SGCZ: variants seen among roughly 807,000 people sequenced by gnomAD.
SGCZ encodes sarcoglycan zeta.
In SGCZ, 40 loss-of-function variants were observed where a neutral mutation model predicts 41.3. That is an observed-to-expected ratio of 0.97 (90% CI 0.75 to 1.26). The LOEUF is 1.26. Ranked by LOEUF, SGCZ falls within the 50% of genes most tolerant of loss-of-function variation. The pLI is 0.00. For missense variants in SGCZ, 552 were observed against 369.8 expected, an observed-to-expected ratio of 1.49 and a Z score of -4.04; for synonymous variants, 206 against 137.5, an observed-to-expected ratio of 1.50 and a Z score of -3.49.
At position 14,421,172 on chromosome 8, in the gene SGCZ, A is replaced by G. The variant is rs988933360; in HGVS notation, c.235-96968T>C. The stretch of plus-strand genomic sequence containing the variant: ...AATGCCTTCGTATGACCAGTCTAAC[A>G]TTCTTGTACATGGAATTGTATCATA... On this transcript the variant is annotated intron_variant, in intron 2 of 7. Transcript: ENST00000382080. Among the ~76,000 whole-genome samples the G allele has an allele frequency of 8.5e-5, 13 of 152,230 alleles. 1 individual carries two copies. The highest frequency in any genetic ancestry group is 3.1e-4 in the African/African-American group (13 of 41,556).
intron 1 of SGCZ, among the ~76,000 whole-genome samples, chr8:15,228,852 C>T (rs1801855406): frequency 6.6e-6 from 1 of 152,164 alleles, no homozygotes; most frequent in Non-Finnish European, 1.5e-5. Context: ...AAACTGGATA[C>T]TCACAGCACA....
At chr8:14,536,606 G>T (rs764797405) in intron 2 of SGCZ, among the ~76,000 whole-genome samples, 5 of 151,720 alleles carry the variant, frequency 3.3e-5, no homozygotes, top group Non-Finnish European at 1.5e-5. Flanking sequence ...TCTCCAAAAA[G>T]GTTTTGACTG....
chr8:15,076,622 C>T (rs1033344912), intron 1 of SGCZ, among the ~76,000 whole-genome samples: 5 of 152,050 alleles, frequency 3.3e-5, no homozygotes, highest in African/African-American at 1.2e-4. Context: ...TCTTTGTCTC[C>T]TGCTACACCC....
At chr8:14,247,434 G>T (rs903003619) in intron 3 of SGCZ, among the ~76,000 whole-genome samples, 4 of 152,126 alleles carry the variant, frequency 2.6e-5, no homozygotes, top group African/African-American at 9.7e-5. Flanking sequence ...AGGGAATCTG[G>T]GGTAATCTAT....
At chr8:14,638,013 C>T (rs1331916225) in intron 1 of SGCZ, among the ~76,000 whole-genome samples, 2 of 151,738 alleles carry the variant, frequency 1.3e-5, no homozygotes, top group Non-Finnish European at 2.9e-5. Flanking sequence ...TCATTTTTGA[C>T]TAGTCTGAGG....
At chr8:14,820,902 T>TA (rs1394908185) in intron 1 of SGCZ, among the ~76,000 whole-genome samples, 1 of 132,342 alleles carries the variant, frequency 7.6e-6, no homozygotes, top group East Asian at 2.4e-4. Context: ...ATAAAAAACA[T>TA]AAAAACACCC....
chr8:14,392,836 T>A (rs1804823325), intron 2 of SGCZ, among the ~76,000 whole-genome samples: 1 of 152,062 alleles, frequency 6.6e-6, no homozygotes. Context: ...TAAGTGAGAT[T>A]TGCACATGAG....
rs189234343 is a variant in SGCZ at position 14,978,270 on chromosome 8, C to A, written c.39+259315G>T. ...ATCACCTGAGGTCAGGAGTTCAAGA[C>A]CAGCCTGGCCAACATGGTGAAATCT... On this transcript the variant is annotated intron_variant, in intron 1 of 7. Coordinates refer to ENST00000382080, the MANE Select transcript of SGCZ (RefSeq NM_139167.4). 2.6e-4 allele frequency among the ~76,000 whole-genome samples: 40 copies of A among 151,508 alleles called. 1 individual carries two copies. The East Asian group carries it at 7.8e-3, about 30-fold the overall frequency.
intron 3 of SGCZ, among the ~76,000 whole-genome samples, chr8:14,258,742 T>TATACAAATACC (rs1799551419): frequency 1.3e-5 from 2 of 152,242 alleles, no homozygotes; most frequent in South Asian, 4.1e-4. Context: ...TAAACTGCAG[T>TATACAAATACC]TTGTATATCT....
At chr8:14,930,317 A>G (rs2130804732) in intron 1 of SGCZ, among the ~76,000 whole-genome samples, 1 of 152,198 alleles carries the variant, frequency 6.6e-6, no homozygotes. Context: ...AATGGCGATC[A>G]TTAAAAAGTC....
intron 1 of SGCZ, among the ~76,000 whole-genome samples, chr8:14,713,644 A>C (rs1406076389): frequency 6.6e-6 from 1 of 152,022 alleles, no homozygotes; most frequent in Admixed American, 6.6e-5. Flanking sequence ...GAAATAAAAC[A>C]AAAGAAGAAA....
intron 3 of SGCZ, among the ~76,000 whole-genome samples, chr8:14,246,588 A>G (rs1174967975): frequency 1.4e-5 from 2 of 142,940 alleles, no homozygotes; most frequent in African/African-American, 2.7e-5. Flanking sequence ...CTAAAACTTA[A>G]AGTATAATAA....
chr8:15,104,042 A>ATTCTC (rs1313527276), intron 1 of SGCZ, among the ~76,000 whole-genome samples: 4 of 152,214 alleles, frequency 2.6e-5, no homozygotes, highest in Non-Finnish European at 5.9e-5. Context: ...CCAAATCTAG[A>ATTCTC]CAACCATATT....
intron 1 of SGCZ, among the ~76,000 whole-genome samples, chr8:14,650,258 C>G (rs1317953626): frequency 6.6e-6 from 1 of 152,034 alleles, no homozygotes; most frequent in Non-Finnish European, 1.5e-5. Context: ...GTGAGAAGCA[C>G]CTGACTCCCC....
chr8:14,832,733 ATC>A (rs1411063069), intron 1 of SGCZ, among the ~76,000 whole-genome samples: 7 of 152,154 alleles, frequency 4.6e-5, no homozygotes, highest in Non-Finnish European at 8.8e-5. Context: ...TATATTTATG[ATC>A]TGTGTGCTTT....
At chr8:14,376,571 T>C (rs1174230082) in intron 2 of SGCZ, among the ~76,000 whole-genome samples, 1 of 152,106 alleles carries the variant, frequency 6.6e-6, no homozygotes, top group African/African-American at 2.4e-5. Context: ...AGATGGTTTT[T>C]CAAAGACTCT....
intron 1 of SGCZ, among the ~76,000 whole-genome samples, chr8:15,119,042 A>T (rs1348648589): frequency 1.3e-5 from 2 of 152,164 alleles, no homozygotes; most frequent in East Asian, 3.9e-4. Context: ...AAATTACACT[A>T]TGCAATAAAT....
At chr8:15,082,427 TGTGTGTATATCTCTAA>T (rs1805788977) in intron 1 of SGCZ, among the ~76,000 whole-genome samples, 1 of 117,206 alleles carries the variant, frequency 8.5e-6, no homozygotes, top group Admixed American at 1.0e-4. Flanking sequence ...TATATATGTG[TGTGTGTATATCTCTAA>T]GTGTGTGTGT....
chr8:14,740,484 G>A (rs1469773092), intron 1 of SGCZ, among the ~76,000 whole-genome samples: 2 of 151,974 alleles, frequency 1.3e-5, no homozygotes, highest in East Asian at 3.9e-4. Flanking sequence ...GGGCCCTGTG[G>A]ATGGCTCACA....
Sources: gnomAD v4.1 joint callset for allele counts (sites outside exome capture counted in the v4.1 genomes callset) on GRCh38, gnomAD v4.1.1 for gene constraint, MANE v1.5 for transcripts, NCBI Gene and HGNC (gene_info 2026-07-23, HGNC 2026-07-21) for gene names.